NCAM2: variants seen among roughly 807,000 people sequenced by gnomAD.
The protein encoded by NCAM2 is neural cell adhesion molecule 2.
Under a neutral mutation model 98.1 loss-of-function variants are expected in NCAM2, and 30 were observed. The ratio of observed to expected loss-of-function variants is 0.31; its 90% CI spans 0.23 to 0.41. The LOEUF (loss-of-function observed/expected upper bound fraction) is 0.41, where lower values mean the gene tolerates loss of function less well. NCAM2 is among the 10% of genes least tolerant of loss of function. The pLI is 1.00. For missense variants in NCAM2, 867 were observed against 1,005.8 expected (o/e 0.86, Z 1.87); for synonymous variants, 368 against 342.4 (o/e 1.07, Z -0.83).
chr21:21,388,317 A>G (rs2826824), intron 9 of NCAM2, among the ~76,000 whole-genome samples: 5,537 of 152,290 alleles, frequency 0.036, 141 homozygotes, highest in Non-Finnish European at 0.057. Flanking sequence ...TCAGACATAT[A>G]TGCTTGTGGG....
intron 15 of NCAM2, among the ~76,000 whole-genome samples, chr21:21,501,899 G>A (rs1295674349): frequency 6.6e-6 from 1 of 151,844 alleles, no homozygotes; most frequent in South Asian, 2.1e-4. Flanking sequence ...ATCCAAATCA[G>A]CAATATTTTA....
chr21:20,998,872 C>T (rs1339095488), intron 1 of NCAM2, among the ~76,000 whole-genome samples: 1 of 151,838 alleles, frequency 6.6e-6, no homozygotes, highest in Non-Finnish European at 1.5e-5. Context: ...CCAGGGAAAC[C>T]GCTTCTTCTT....
Position 21,522,806 on chromosome 21 carries a change from A to G in NCAM2, c.2283-11731A>G, listed in dbSNP as rs111360215. On this transcript the variant is annotated intron_variant, in intron 16 of 17. Coordinates refer to ENST00000400546, the MANE Select transcript of NCAM2 (RefSeq NM_004540.5). ...GCCACCACGCCTGGCTAATTTTTGT[A>G]TTTTTAGTAGAGGCGGGGTTTCGCC... Among the ~76,000 whole-genome samples the G allele has an allele frequency of 0.025, 3,753 of 151,362 alleles. 255 individuals are homozygous for G. The East Asian group carries it at 0.29, about 12-fold the overall frequency.
intron 14 of NCAM2, among the ~76,000 whole-genome samples, chr21:21,473,191 A>G (rs2146242830): frequency 6.6e-6 from 1 of 151,380 alleles, no homozygotes; most frequent in South Asian, 2.1e-4. Context: ...TGAAGGACTC[A>G]CTGGTCTCTC....
chr21:21,463,176 G>A (rs903129609), intron 12 of NCAM2, among the ~76,000 whole-genome samples: 1 of 152,052 alleles, frequency 6.6e-6, no homozygotes, highest in Non-Finnish European at 1.5e-5. Flanking sequence ...AGAAACTCTT[G>A]TTTGGTAAAA....
intron 1 of NCAM2, among the ~76,000 whole-genome samples, chr21:21,250,463 G>T (rs1297598660): frequency 6.6e-6 from 1 of 152,110 alleles, no homozygotes; most frequent in Non-Finnish European, 1.5e-5. Context: ...ATAAAAATAT[G>T]ATTAGGCTAT....
At chr21:21,126,781 A>G (rs2066835087) in intron 1 of NCAM2, among the ~76,000 whole-genome samples, 1 of 152,062 alleles carries the variant, frequency 6.6e-6, no homozygotes, top group Non-Finnish European at 1.5e-5. Context: ...GTAATGTTGA[A>G]AAAATCCAAG....
At chr21:21,439,795 A>T (rs532298447) in intron 12 of NCAM2, among the ~76,000 whole-genome samples, 27 of 152,362 alleles carry the variant, frequency 1.8e-4, no homozygotes, top group African/African-American at 6.5e-4. Context: ...TATACCTATG[A>T]TACACATTGT....
At chr21:21,535,032 C>T (rs1245938489) in intron 17 of NCAM2, among the ~76,000 whole-genome samples, 2 of 151,912 alleles carry the variant, frequency 1.3e-5, no homozygotes, top group African/African-American at 4.8e-5. Flanking sequence ...AATTTGTCAT[C>T]GCTTTGAATA....
intron 1 of NCAM2, among the ~76,000 whole-genome samples, chr21:21,260,849 C>T (rs2071869301): frequency 6.6e-6 from 1 of 152,048 alleles, no homozygotes. Flanking sequence ...CAAAACCTCA[C>T]ATACCAATAT....
At chr21:21,209,004 C>T (rs2069545780) in intron 1 of NCAM2, among the ~76,000 whole-genome samples, 1 of 152,034 alleles carries the variant, frequency 6.6e-6, no homozygotes, top group Non-Finnish European at 1.5e-5. Context: ...ATTGATGCCT[C>T]ATCTGTGTTG....
chr21:21,448,637 T>C (rs1240989282), intron 12 of NCAM2, among the ~76,000 whole-genome samples: 2 of 152,060 alleles, frequency 1.3e-5, no homozygotes, highest in African/African-American at 4.8e-5. Context: ...TAGAGTATTT[T>C]CTATGATTAC....
chr21:21,146,519 A>G (rs2067276941), intron 1 of NCAM2, among the ~76,000 whole-genome samples: 1 of 146,212 alleles, frequency 6.8e-6, no homozygotes, highest in South Asian at 2.1e-4. Context: ...GTGTGTGTGT[A>G]TATGTGATTA....
intron 12 of NCAM2, among the ~76,000 whole-genome samples, chr21:21,450,830 A>AT (rs1320427882): frequency 6.7e-6 from 1 of 148,210 alleles, no homozygotes; most frequent in African/African-American, 2.6e-5. Flanking sequence ...ACACACACAC[A>AT]CACATATCTC....
rs1568883012 is a variant in NCAM2 at position 21,284,337 on chromosome 21, CGTT to C, written c.277_279del (p.Cys93del). The C allele has an allele frequency of 6.2e-7, 1 of 1,612,630 alleles. No individual in the cohort carries two copies. Among genetic ancestry groups the C allele is most frequent in the Non-Finnish European group, 8.5e-7 (1 of 1,179,112 alleles). ...AAATATAGAAGATGCAGGGATATAT[CGTT>C]GTCAAGCAACAGATGCCAAAGGACA... On this transcript the variant is annotated inframe_deletion, in exon 3 of 18. Coordinates refer to ENST00000400546, the MANE Select transcript of NCAM2 (RefSeq NM_004540.5).
At chr21:21,369,102 C>T (rs1187814583) in intron 8 of NCAM2, among the ~76,000 whole-genome samples, 1 of 146,804 alleles carries the variant, frequency 6.8e-6, no homozygotes, top group Non-Finnish European at 1.5e-5. Context: ...TCATCACCCC[C>T]CAATCTCCTC....
At chr21:21,166,946 A>G (rs557986935) in intron 1 of NCAM2, among the ~76,000 whole-genome samples, 1 of 152,366 alleles carries the variant, frequency 6.6e-6, no homozygotes, top group Admixed American at 6.5e-5. Context: ...ATCAACTTAT[A>G]TTGATAACCT....
intron 1 of NCAM2, among the ~76,000 whole-genome samples, chr21:21,228,014 G>A (rs2070458350): frequency 6.6e-6 from 1 of 151,634 alleles, no homozygotes; most frequent in African/African-American, 2.4e-5. Context: ...TCAGACTGAA[G>A]GTCAATCACA....
At chr21:21,345,993 C>A (rs2075176500) in intron 8 of NCAM2, among the ~76,000 whole-genome samples, 1 of 151,632 alleles carries the variant, frequency 6.6e-6, no homozygotes, top group African/African-American at 2.4e-5. Flanking sequence ...AAGAGAAGAC[C>A]ACAGAACAAC....
Sources: gnomAD v4.1 joint callset for allele counts (sites outside exome capture counted in the v4.1 genomes callset) on GRCh38, gnomAD v4.1.1 for gene constraint, MANE v1.5 for transcripts, NCBI Gene and HGNC (gene_info 2026-07-23, HGNC 2026-07-21) for gene names.